Variants in UBXN7 observed in about 807,000 individuals in gnomAD.
UBXN7 encodes the protein UBX domain-containing protein 7.
Under a neutral mutation model 58.0 loss-of-function variants are expected in UBXN7, and 9 were observed. That is an observed-to-expected ratio of 0.16 (90% CI 0.09 to 0.27). The LOEUF (loss-of-function observed/expected upper bound fraction) is 0.27, where lower values mean the gene tolerates loss of function less well. Ranked by LOEUF, UBXN7 falls within the 10% of genes least tolerant of loss-of-function variation. The probability of loss-of-function intolerance (pLI) is 1.00; values close to 1 mark genes in which losing one functional copy is unlikely to be tolerated. For synonymous variants in UBXN7, 208 were observed against 205.0 expected (o/e 1.01, Z -0.12); for missense variants, 328 against 599.6 (o/e 0.55, Z 4.73).
intron 1 of UBXN7, among the ~76,000 whole-genome samples, chr3:196,412,204 T>C (rs112635929): frequency 2.1e-4 from 30 of 142,818 alleles, no homozygotes; most frequent in African/African-American, 7.8e-4. Flanking sequence ...GCACTCCAGT[T>C]TGGGTGACAG....
At chr3:196,429,110 G>A (rs1478417306) in intron 1 of UBXN7, among the ~76,000 whole-genome samples, 3 of 151,932 alleles carry the variant, frequency 2.0e-5, no homozygotes, top group African/African-American at 4.8e-5. Flanking sequence ...GGCGGATCAC[G>A]AGGTCAGGAG....
chr3:196,368,122 A>G lies in UBXN7; in HGVS notation c.740T>C (p.Val247Ala), dbSNP rs1313180314. The G allele has an allele frequency of 6.2e-7, 1 of 1,613,988 alleles. No individual in the cohort carries two copies. Among genetic ancestry groups the G allele is most frequent in the African/African-American group, 1.3e-5 (1 of 74,946 alleles). The stretch of plus-strand genomic sequence containing the variant: ...CGTCACTTGGTCCAAGAAAGAAGAT[A>G]CATCTAACTGGTGCCATTCTACTAG... ...QKLVEWHQLDVSSFLDQVTGF... is the reference protein window; with the variant it reads ...QKLVEWHQLDASSFLDQVTGF... Residue 247 changes from valine to alanine, a missense_variant, in exon 8 of 11, where the codon GTA becomes GCA. Val to Ala is a moderately conservative substitution (Grantham distance 64, BLOSUM62 0). Around this residue, in one of 4 missense-constraint regions of UBXN7, gnomAD observed 126 missense variants for 302.6 expected, o/e 0.42. Coordinates refer to ENST00000296328, the MANE Select transcript of UBXN7 (RefSeq NM_015562.2).
At chr3:196,427,453 G>A (rs1318465115) in intron 1 of UBXN7, among the ~76,000 whole-genome samples, 1 of 152,064 alleles carries the variant, frequency 6.6e-6, no homozygotes, top group Non-Finnish European at 1.5e-5. Context: ...GGGTAGCTGG[G>A]ACTACAGGCG....
chr3:196,432,171 G>C (rs1354516082), intron 1 of UBXN7, 156 bp downstream of exon 1: 5 of 1,024,568 alleles, frequency 4.9e-6, no homozygotes, highest in Non-Finnish European at 7.5e-6. Context: ...TGAACCCGGA[G>C]ACCCCGACGC....
chr3:196,431,511 T>C (rs1731048101), intron 1 of UBXN7: 1 of 159,756 alleles, frequency 6.3e-6, no homozygotes, highest in Admixed American at 6.5e-5. Context: ...GTTTCGGGGA[T>C]ACCGACACCC....
Position 196,356,460 on chromosome 3 carries a change from A to G in UBXN7, c.*225T>C. 1.7e-5 allele frequency: 7 copies of G among 409,322 alleles called. No individual in the cohort carries two copies. The highest frequency in any genetic ancestry group is 2.1e-5 in the Non-Finnish European group (5 of 233,146). 25.4% of individuals were successfully genotyped at this position (409,322 alleles called of 1,614,324 possible). On this transcript the variant is annotated 3_prime_UTR_variant, in exon 11 of 11. Coordinates refer to ENST00000296328, the MANE Select transcript of UBXN7 (RefSeq NM_015562.2). The stretch of plus-strand genomic sequence containing the variant: ...GAAAGAAAAGTGTGGGGGGAGGGGG[A>G]GGCAGAAGGGTACGGAGTGGGGAGC...
intron 1 of UBXN7, among the ~76,000 whole-genome samples, chr3:196,423,985 G>C (rs1297960283): frequency 1.3e-5 from 2 of 150,912 alleles, no homozygotes; most frequent in Non-Finnish European, 2.9e-5. Flanking sequence ...TGACTCCCGG[G>C]TTCCAGCGAT....
At chr3:196,424,267 C>T (rs1167882106) in intron 1 of UBXN7, among the ~76,000 whole-genome samples, 1 of 152,034 alleles carries the variant, frequency 6.6e-6, no homozygotes, top group Non-Finnish European at 1.5e-5. Flanking sequence ...GTCTTCTCTG[C>T]ACTTTCTTCT....
chr3:196,391,757 G>A (rs1239640623), intron 5 of UBXN7, 56 bp downstream of exon 5: 3 of 1,321,422 alleles, frequency 2.3e-6, no homozygotes, highest in African/African-American at 1.5e-5. Flanking sequence ...TTTAAAAAAA[G>A]GCATTGAAAA....
intron 5 of UBXN7, among the ~76,000 whole-genome samples, chr3:196,380,774 C>T (rs1257283908): frequency 6.6e-6 from 1 of 152,248 alleles, no homozygotes; most frequent in Non-Finnish European, 1.5e-5. Context: ...GGCACTCCCA[C>T]CCAAATACCG....
At chr3:196,363,921 CAAA>C (rs397975657) in intron 8 of UBXN7, among the ~76,000 whole-genome samples, 1 of 113,270 alleles carries the variant, frequency 8.8e-6, no homozygotes. Context: ...GACTCCATCT[CAAA>C]AAAAAAAAAA....
At chr3:196,423,412 GC>G in intron 1 of UBXN7, 2 of 268,842 alleles carry the variant, frequency 7.4e-6, no homozygotes. Context: ...TGTGGAGCTG[GC>G]CCCCTCATCC....
At chr3:196,395,063 G>C (rs1045572690) in intron 3 of UBXN7, among the ~76,000 whole-genome samples, 1 of 152,064 alleles carries the variant, frequency 6.6e-6, no homozygotes, top group African/African-American at 2.4e-5. Flanking sequence ...ATAAATAAAG[G>C]CTTTTCATGA....
intron 1 of UBXN7, among the ~76,000 whole-genome samples, chr3:196,407,945 A>G (rs946896085): frequency 1.7e-4 from 26 of 151,788 alleles, no homozygotes; most frequent in Admixed American, 7.2e-4. Context: ...TAAAAACACA[A>G]AAATTTGCCA....
chr3:196,432,002 C>T (rs997642273), intron 1 of UBXN7: 5 of 510,924 alleles, frequency 9.8e-6, no homozygotes, highest in Non-Finnish European at 1.8e-5. Flanking sequence ...CCGGGTGCGG[C>T]CCCCTACTCC....
chr3:196,370,070 C>T (rs1448294035), intron 6 of UBXN7, among the ~76,000 whole-genome samples: 3 of 143,270 alleles, frequency 2.1e-5, no homozygotes, highest in Non-Finnish European at 4.5e-5. Flanking sequence ...GCAGAGACTG[C>T]AGTGAGCTGA....
chr3:196,413,106 C>T (rs1468376995), intron 1 of UBXN7, among the ~76,000 whole-genome samples: 3 of 152,004 alleles, frequency 2.0e-5, no homozygotes, highest in Non-Finnish European at 2.9e-5. Flanking sequence ...TTTGGGAGGC[C>T]GACGTGGGCG....
intron 5 of UBXN7, among the ~76,000 whole-genome samples, chr3:196,383,126 A>C (rs1729266199): frequency 6.6e-6 from 1 of 152,018 alleles, no homozygotes; most frequent in Non-Finnish European, 1.5e-5. Context: ...CAAAAAAAAA[A>C]AAAGAAAAAG....
At chr3:196,428,596 T>C (rs1730922045) in intron 1 of UBXN7, among the ~76,000 whole-genome samples, 1 of 152,088 alleles carries the variant, frequency 6.6e-6, no homozygotes. Flanking sequence ...TTTTCCCTTT[T>C]ATCAAAATTA....
Sources: gnomAD v4.1 joint callset for allele counts (sites outside exome capture counted in the v4.1 genomes callset) on GRCh38, gnomAD v4.1.1 for gene constraint, gnomAD v4.1.1 regional missense constraint, MANE v1.5 for transcripts, NCBI Gene and HGNC (gene_info 2026-07-23, HGNC 2026-07-21) for gene names.